CLUH: variants seen among roughly 807,000 people sequenced by gnomAD.
CLUH encodes CLUH binding protein of NUMT mRNA.
CLUH carries 77 observed loss-of-function variants against 139.3 expected under a neutral mutation model. The ratio of observed to expected loss-of-function variants is 0.55; its 90% CI spans 0.46 to 0.67. CLUH has a LOEUF of 0.67. Among genes scored for constraint, CLUH ranks in the 30% least tolerant of loss-of-function variants. The pLI, the probability that CLUH is intolerant of heterozygous loss-of-function variation, is 0.00. For missense variants in CLUH, 1,876 were observed against 1,875.8 expected (o/e 1.00, Z 0.00); for synonymous variants, 999 against 801.6 (o/e 1.25, Z -4.16).
rs200119825 is a variant in CLUH, at chr17:2,698,370, G to T, written c.1487C>A (p.Thr496Lys). The T allele has an allele frequency of 5.6e-6, 9 of 1,613,086 alleles. No homozygotes were observed. Among genetic ancestry groups the T allele is most frequent in the African/African-American group, 1.3e-5 (1 of 74,930 alleles). ...CCCCTCCACGTCCACCGCGTTGTACGTGCGGACGCCATTCAGGTCGTTGGT... is the reference window on the plus strand; with the variant it reads ...CCCCTCCACGTCCACCGCGTTGTACTTGCGGACGCCATTCAGGTCGTTGGT... ...APTNDLNGVR[T>K]YNAVDVEGLY... The change falls in exon 10 of 26, where the codon ACG becomes AAG. Residue 496 changes from threonine (T) to lysine (K), a missense_variant. Coordinates refer to ENST00000651024, the MANE Select transcript of CLUH (RefSeq NM_001366661.1).
Position 2,694,403 on chromosome 17 carries a change from C to T in CLUH, c.2937+77G>A, listed in dbSNP as rs2069841403. 11 of 1,530,442 alleles carry T rather than the reference C, an allele frequency of 7.2e-6. No homozygotes were observed. In the South Asian group the frequency reaches 1.3e-4, roughly 18 times the overall value. The allele number at this position is 1,530,442 out of a possible 1,614,324, so 94.8% of individuals were successfully genotyped here. On this transcript the variant is annotated intron_variant, in intron 17 of 25. Transcript: ENST00000651024. ...AAGCCACTTCCCCTGTGGCCCTGGCCAGGAGTGGGAGCCTGCAGCAGGGAC... is the reference window on the plus strand; with the variant it reads ...AAGCCACTTCCCCTGTGGCCCTGGCTAGGAGTGGGAGCCTGCAGCAGGGAC...
At position 2,695,292 on chromosome 17, in the gene CLUH, C is replaced by T. The variant is rs751528629; in HGVS notation, c.2545-12G>A. 7 of 1,613,680 alleles carry T rather than the reference C, an allele frequency of 4.3e-6. No homozygotes were observed. In the Admixed American group the frequency reaches 1.2e-4, roughly 27 times the overall value. ...CCAATGCCGATTTTCTGGAAGGATT[C>T]AGAAGGGAGGTCTTGGTCAGGCCCC... On this transcript the variant is annotated splice_polypyrimidine_tract_variant and intron_variant, in intron 14 of 25. Coordinates refer to ENST00000651024, the MANE Select transcript of CLUH (RefSeq NM_001366661.1).
At chr17:2,691,027 G>A (rs1597591613) in intron 25 of CLUH, among the ~76,000 whole-genome samples, 1 of 152,098 alleles carries the variant, frequency 6.6e-6, no homozygotes, top group East Asian at 2.0e-4. Flanking sequence ...GGGGAGGAAA[G>A]CGGAGTTGGG....
chr17:2,704,273 C>A lies in CLUH; in HGVS notation c.303+89G>T. ...TCAGTTTCCTGCCACAAAATGGGGC[C>A]GGTAGGAGCACGAGCAAGGCTGAGC... On this transcript the variant is annotated intron_variant, in intron 2 of 25. Coordinates refer to ENST00000651024, the MANE Select transcript of CLUH (RefSeq NM_001366661.1). The surrounding 1 kb of genome is among the most constrained non-coding windows in gnomAD (Gnocchi z 5.7). 1 of 1,370,166 alleles carries A rather than the reference C, an allele frequency of 7.3e-7. No individual in the cohort carries two copies. The allele number at this position is 1,370,166 out of a possible 1,614,324, so 84.9% of individuals were successfully genotyped here.
chr17:2,692,732 G>A (rs766305548), intron 20 of CLUH, 36 bp from the exon 21 acceptor site: 9 of 1,601,770 alleles, frequency 5.6e-6, no homozygotes, highest in Admixed American at 5.0e-5. Flanking sequence ...GGGTGGCCGC[G>A]GACCCAGCCC....
Position 2,703,811 on chromosome 17 carries a change from C to T in CLUH, c.304-322G>A, listed in dbSNP as rs753026798. Among the ~76,000 whole-genome samples, 7 of 152,082 alleles carry T rather than the reference C, an allele frequency of 4.6e-5. No homozygotes were observed. The highest frequency in any genetic ancestry group is 2.1e-4 in the South Asian group (1 of 4,820). ...AGATGAAGAACAGCGGGACAGAAGACGGCAGGCTCGCCCCCGGCCTTGCCC... is the reference window on the plus strand; with the variant it reads ...AGATGAAGAACAGCGGGACAGAAGATGGCAGGCTCGCCCCCGGCCTTGCCC... On this transcript the variant is annotated intron_variant, in intron 2 of 25. Coordinates refer to ENST00000651024, the MANE Select transcript of CLUH (RefSeq NM_001366661.1). The surrounding 1 kb of genome is among the most constrained non-coding windows in gnomAD (Gnocchi z 4.2).
chr17:2,692,455 C>A lies in CLUH; in HGVS notation c.3466G>T (p.Val1156Leu), dbSNP rs1168022275. The change falls in exon 22 of 26, where the codon GTG becomes TTG. Residue 1156 changes from valine to leucine, a missense_variant. By Grantham distance (32) the Val-to-Leu change is conservative. Coordinates refer to ENST00000651024, the MANE Select transcript of CLUH (RefSeq NM_001366661.1). The part of the protein sequence containing the change: ...DNNIGLVLHG[V>L]MEYDLSLRFL... ...CGCAGCGACAGGTCGTACTCCATCACCCCGTGCAGCACCAGCCCGATGTTG... is the reference window on the plus strand; with the variant it reads ...CGCAGCGACAGGTCGTACTCCATCAACCCGTGCAGCACCAGCCCGATGTTG... 1.2e-6 allele frequency: 2 copies of A among 1,600,496 alleles called. No homozygotes were observed. Among genetic ancestry groups the A allele is most frequent in the Non-Finnish European group, 1.7e-6 (2 of 1,179,160 alleles).
Position 2,695,941 on chromosome 17 carries a change from G to A in CLUH, c.2391+218C>T, listed in dbSNP as rs2151702172. Reference sequence around the variant, plus strand: ...GCCACCATCCAGGGCTCAGAAGACTGGATTACCAGCTGCCAGCCCACACGG... The same window carrying A: ...GCCACCATCCAGGGCTCAGAAGACTAGATTACCAGCTGCCAGCCCACACGG... On this transcript the variant is annotated intron_variant, in intron 13 of 25. Transcript: ENST00000651024. 1.3e-5 allele frequency: 8 copies of A among 595,680 alleles called. 1 individual carries two copies. In the East Asian group the frequency reaches 1.7e-4, roughly 12 times the overall value. The allele number at this position is 595,680 out of a possible 1,614,324, so 36.9% of individuals were successfully genotyped here.
rs185563572 is a variant in CLUH, at chr17:2,704,582, G to T, written c.101-18C>A. On this transcript the variant is annotated intron_variant, in intron 1 of 25. Transcript: ENST00000651024. The surrounding 1 kb of genome is among the most constrained non-coding windows in gnomAD (Gnocchi z 5.7). Reference sequence around the variant, plus strand: ...TGGCAGCTCTGCGGGTGACAAGAACGGGTCAGAATCAGGCAGCCTCGCTGG... The same window carrying T: ...TGGCAGCTCTGCGGGTGACAAGAACTGGTCAGAATCAGGCAGCCTCGCTGG... 1 of 1,537,176 alleles carries T rather than the reference G, an allele frequency of 6.5e-7. No homozygotes were observed. Among genetic ancestry groups the T allele is most frequent in the South Asian group, 1.2e-5 (1 of 83,900 alleles).
rs2069932401 is a variant in CLUH at position 2,696,138 on chromosome 17, GC to G, written c.2391+20del. ...GCACCCTCCACACAAGCCCCACCCAGCCCCGCAGCCCCTCCCTCACCAAGCC... is the reference window on the plus strand; with the variant it reads ...GCACCCTCCACACAAGCCCCACCCAGCCCGCAGCCCCTCCCTCACCAAGCC... On this transcript the variant is annotated intron_variant, in intron 13 of 25. Coordinates refer to ENST00000651024, the MANE Select transcript of CLUH (RefSeq NM_001366661.1). 6.6e-7 allele frequency: 1 copy of G among 1,509,486 alleles called. No individual in the cohort carries two copies. Among genetic ancestry groups the G allele is most frequent in the Admixed American group, 2.0e-5 (1 of 51,050 alleles). The allele number at this position is 1,509,486 out of a possible 1,614,324, so 93.5% of individuals were successfully genotyped here. A position where few individuals can be genotyped will look rare whatever the true frequency, so the allele number is the denominator to read the frequency against.
rs751668243 is a variant in CLUH, at chr17:2,691,970, CCGCCCCCGCCCCCGCCA to C, written c.3654+17_3654+33del. On this transcript the variant is annotated intron_variant, in intron 23 of 25. Coordinates refer to ENST00000651024, the MANE Select transcript of CLUH (RefSeq NM_001366661.1). The stretch of plus-strand genomic sequence containing the variant: ...GCCCCCGCCCCGCCACGCCCCCGCC[CCGCCCCCGCCCCCGCCA>C]CGCCCCCGCCGCGCACCTGCGTCTT... 25,038 of 750,222 alleles carry C rather than the reference CCGCCCCCGCCCCCGCCA, an allele frequency of 0.033. 2,661 individuals carry two copies. Among genetic ancestry groups the C allele is most frequent in the African/African-American group, 0.28 (11,784 of 42,838 alleles). The allele number at this position is 750,222 out of a possible 1,614,324, so 46.5% of individuals were successfully genotyped here.
chr17:2,697,778 G>A (rs563008429), intron 10 of CLUH, 118 bp downstream of exon 10: 23 of 975,922 alleles, frequency 2.4e-5, no homozygotes, highest in African/African-American at 3.3e-5. Flanking sequence ...GTGGCTAGAC[G>A]GAGCCCTTCT....
chr17:2,711,546 C>T lies in CLUH; in HGVS notation c.100+16G>A, dbSNP rs536717164. The T allele has an allele frequency of 3.2e-4, 254 of 800,898 alleles. 1 individual carries two copies. The African/African-American group carries it at 4.5e-3, about 14-fold the overall frequency. 49.6% of individuals were successfully genotyped at this position (800,898 alleles called of 1,614,324 possible). The stretch of plus-strand genomic sequence containing the variant: ...CGCCCCCCGCCCAGCGGCCCGCTGG[C>T]CCTGGCCCCGCTCACCGGCCGCGCC... On this transcript the variant is annotated intron_variant, in intron 1 of 25. Transcript: ENST00000651024.
At position 2,692,615 on chromosome 17, in the gene CLUH, G is replaced by C. The variant is rs757138423; in HGVS notation, c.3394C>G (p.Leu1132Val). The stretch of plus-strand genomic sequence containing the variant: ...GGGTGGTCTTCCCCGAACACCAGCA[G>C]CATGAGGTAGCGGGCGCGGTACAGC... ...SLLYRARYLM[L>V]LVFGEDHPEM... Residue 1132 changes from leucine to valine, a missense_variant, in exon 21 of 26, where the codon CTG becomes GTG. This residue lies in a region of CLUH where 1,454 missense variants were observed against 1,384.4 expected (regional missense o/e 1.05). Coordinates refer to ENST00000651024, the MANE Select transcript of CLUH (RefSeq NM_001366661.1). 1.9e-6 allele frequency: 3 copies of C among 1,612,890 alleles called. No individual in the cohort carries two copies. Among genetic ancestry groups the C allele is most frequent in the Non-Finnish European group, 2.5e-6 (3 of 1,179,612 alleles).
Position 2,707,894 on chromosome 17 carries a change from G to A in CLUH, c.101-3330C>T, listed in dbSNP as rs967296114. ...AGTCACTGGTTCTGGTGGAAGGGAG[G>A]GGGATGGGCCCCCAGCTTCCCAGAG... On this transcript the variant is annotated intron_variant, in intron 1 of 25. Coordinates refer to ENST00000651024, the MANE Select transcript of CLUH (RefSeq NM_001366661.1). This position sits in a 1 kb window ranked among gnomAD's most constrained non-coding sequence, Gnocchi z 7.4. 1 of 985,324 alleles carries A rather than the reference G, an allele frequency of 1.0e-6. No homozygotes were observed. Among genetic ancestry groups the A allele is most frequent in the African/African-American group, 1.7e-5 (1 of 57,248 alleles). 61.0% of individuals were successfully genotyped at this position (985,324 alleles called of 1,614,324 possible). A position where few individuals can be genotyped will look rare whatever the true frequency, so the allele number is the denominator to read the frequency against.
intron 19 of CLUH, 117 bp downstream of exon 19, chr17:2,693,783 A>C (rs2069815828): frequency 7.5e-7 from 1 of 1,335,742 alleles, no homozygotes; most frequent in Non-Finnish European, 1.0e-6. Context: ...TGGCCTGGGC[A>C]GAACCAGCGA....
rs1391365129 is a variant in CLUH, at chr17:2,696,874, G to A, written c.2030C>T (p.Pro677Leu). 1 of 1,612,962 alleles carries A rather than the reference G, an allele frequency of 6.2e-7. No homozygotes were observed. Among genetic ancestry groups the A allele is most frequent in the African/African-American group, 1.3e-5 (1 of 74,940 alleles). The stretch of plus-strand genomic sequence containing the variant: ...AGGACCACCATTTTCCAGGGAGGAG[G>A]GGGTCTCCAGCTGGCTGGCGTTCTG... ...MQQNASQLET[P>L]SSLENGGPSS... The change falls in exon 11 of 26, where the codon CCC becomes CTC. Residue 677 changes from proline (P) to leucine (L), a missense_variant. By Grantham distance (98) the Pro-to-Leu change is moderately conservative. This residue lies in a region of CLUH where 1,454 missense variants were observed against 1,384.4 expected (regional missense o/e 1.05). Coordinates refer to ENST00000651024, the MANE Select transcript of CLUH (RefSeq NM_001366661.1).
chr17:2,708,636 A>T (rs1006133035), intron 1 of CLUH, among the ~76,000 whole-genome samples: 5 of 151,866 alleles, frequency 3.3e-5, no homozygotes, highest in Non-Finnish European at 7.4e-5. Context: ...AGGAAAGAAA[A>T]AACAGGAGTG....
Position 2,707,134 on chromosome 17 carries a change from C to G in CLUH, c.101-2570G>C, listed in dbSNP as rs562297768. 1.4e-5 allele frequency: 14 copies of G among 977,056 alleles called. No individual in the cohort carries two copies. The highest frequency in any genetic ancestry group is 1.7e-5 in the Non-Finnish European group (14 of 822,346). The allele number at this position is 977,056 out of a possible 1,614,324, so 60.5% of individuals were successfully genotyped here. A position where few individuals can be genotyped will look rare whatever the true frequency, so the allele number is the denominator to read the frequency against. On this transcript the variant is annotated intron_variant, in intron 1 of 25. Transcript: ENST00000651024. The surrounding 1 kb of genome is among the most constrained non-coding windows in gnomAD (Gnocchi z 7.4). The stretch of plus-strand genomic sequence containing the variant: ...TGGATGAAGGCTGAGCGATCTCCCC[C>G]GCAGGCAGCTGGCTGGCTCACCAGG...
Sources: gnomAD v4.1 joint callset for allele counts (sites outside exome capture counted in the v4.1 genomes callset) on GRCh38, gnomAD v4.1.1 for gene constraint, gnomAD v4.1.1 regional missense constraint, Gnocchi (gnomAD v3.1) non-coding constraint, MANE v1.5 for transcripts, NCBI Gene and HGNC (gene_info 2026-07-23, HGNC 2026-07-21) for gene names.